NEK6: variants seen among roughly 807,000 people sequenced by gnomAD.
NEK6 encodes serine/threonine-protein kinase Nek6.
In NEK6, 27 loss-of-function variants were observed where a neutral mutation model predicts 43.5. The ratio of observed to expected loss-of-function variants is 0.62; its 90% CI spans 0.46 to 0.86. The LOEUF (loss-of-function observed/expected upper bound fraction) is 0.86. Ranked by LOEUF, NEK6 falls within the 40% of genes least tolerant of loss-of-function variation. The pLI is 0.00. For missense variants in NEK6, 318 were observed against 414.4 expected (o/e 0.77, Z 2.02); for synonymous variants, 167 against 164.1 (o/e 1.02, Z -0.14).
chr9:124,290,213 C>G (rs1054397987), intron 1 of NEK6, among the ~76,000 whole-genome samples: 1 of 152,226 alleles, frequency 6.6e-6, no homozygotes, highest in African/African-American at 2.4e-5. Context: ...AGGCCCTGGC[C>G]TGGCCTATCT....
rs142223628 is a variant in NEK6, at chr9:124,348,057, G to A, written c.831+235G>A. Among the ~76,000 whole-genome samples the A allele has an allele frequency of 1.9e-3, 286 of 152,348 alleles. 2 individuals carry two copies. Among genetic ancestry groups the A allele is most frequent in the Admixed American group, 8.6e-3 (131 of 15,312 alleles). On this transcript the variant is annotated intron_variant, in intron 9 of 9. Transcript: ENST00000320246. ...CCCAGGTAGGAACCAGTGGCACGTGGCCCTTGGCACATCTCCACCTGTTCA... is the reference window on the plus strand; with the variant it reads ...CCCAGGTAGGAACCAGTGGCACGTGACCCTTGGCACATCTCCACCTGTTCA...
chr9:124,293,025 A>G (rs749557191), intron 1 of NEK6: 14 of 1,515,910 alleles, frequency 9.2e-6, no homozygotes, highest in Non-Finnish European at 1.1e-5. Flanking sequence ...TGAGAGCAAG[A>G]TCATTTCCCA....
chr9:124,288,374 C>G (rs892174981), intron 1 of NEK6, among the ~76,000 whole-genome samples: 1 of 152,170 alleles, frequency 6.6e-6, no homozygotes. Context: ...TCAAGTGATT[C>G]TCCTGAATCA....
chr9:124,285,466 A>G (rs1832112121), intron 1 of NEK6, among the ~76,000 whole-genome samples: 2 of 152,160 alleles, frequency 1.3e-5, no homozygotes, highest in South Asian at 4.1e-4. Flanking sequence ...GGCTCTCAGC[A>G]AGGCTCAAAG....
chr9:124,274,440 A>G (rs973200297), intron 1 of NEK6, among the ~76,000 whole-genome samples: 3 of 152,222 alleles, frequency 2.0e-5, no homozygotes, highest in African/African-American at 7.2e-5. Flanking sequence ...GAAACAGCAG[A>G]GTCCCAGAGA....
At chr9:124,276,446 G>GC (rs1165416982) in intron 1 of NEK6, among the ~76,000 whole-genome samples, 1 of 152,192 alleles carries the variant, frequency 6.6e-6, no homozygotes, top group African/African-American at 2.4e-5. Flanking sequence ...GCCCACAGAA[G>GC]CCATAGGGTC....
intron 1 of NEK6, among the ~76,000 whole-genome samples, chr9:124,295,967 T>C (rs1006775168): frequency 1.3e-5 from 2 of 152,270 alleles, no homozygotes; most frequent in Non-Finnish European, 2.9e-5. Flanking sequence ...TGCAGGTGTC[T>C]TGGGAGATGC....
At chr9:124,344,301 G>A (rs952883776) in intron 8 of NEK6, among the ~76,000 whole-genome samples, 7 of 152,110 alleles carry the variant, frequency 4.6e-5, no homozygotes, top group African/African-American at 1.4e-4. Flanking sequence ...CCAAAAATTC[G>A]GTGATGGATG....
chr9:124,339,993 T>G (rs555955599), intron 8 of NEK6, among the ~76,000 whole-genome samples: 136 of 152,320 alleles, frequency 8.9e-4, no homozygotes, highest in African/African-American at 3.1e-3. Context: ...ACACCGGCGA[T>G]TCTGTTCATC....
intron 1 of NEK6, among the ~76,000 whole-genome samples, chr9:124,273,655 G>A (rs193118839): frequency 8.5e-5 from 13 of 152,272 alleles, no homozygotes; most frequent in East Asian, 7.7e-4. Flanking sequence ...AGAAACAGCC[G>A]TGCTCTGCAT....
intron 1 of NEK6, among the ~76,000 whole-genome samples, chr9:124,271,719 C>T (rs902512564): frequency 6.6e-6 from 1 of 152,236 alleles, no homozygotes; most frequent in Non-Finnish European, 1.5e-5. Flanking sequence ...CCTGGCTGGG[C>T]CTCTTGCCCC....
chr9:124,279,350 G>A (rs1831793210), intron 1 of NEK6, among the ~76,000 whole-genome samples: 1 of 146,202 alleles, frequency 6.8e-6, no homozygotes, highest in Admixed American at 6.9e-5. Context: ...CACCCAGGCT[G>A]GAGTGCAGTG....
At chr9:124,279,300 CTTT>C (rs1165676719) in intron 1 of NEK6, among the ~76,000 whole-genome samples, 5 of 138,160 alleles carry the variant, frequency 3.6e-5, no homozygotes, top group Non-Finnish European at 4.7e-5. Context: ...TTTCTCTTCC[CTTT>C]TTTTTTTTTT....
intron 2 of NEK6, among the ~76,000 whole-genome samples, chr9:124,307,311 C>A (rs1833303446): frequency 6.6e-6 from 1 of 152,092 alleles, no homozygotes; most frequent in South Asian, 2.1e-4. Context: ...TCCTCCCTGC[C>A]CCCCAGTCTC....
rs372516510 is a variant in NEK6 at position 124,326,359 on chromosome 9, G to T, written c.435G>T (p.Pro145=). ...TTAAGAAGCAGAAGCGGCTCATCCC[G>T]GAGAGGACAGTATGGAAGTACTTTG... ...KYFKKQKRLI[P]ERTVWKYFVQ... Residue 145 remains proline (P), a synonymous_variant, in exon 6 of 10, where the codon CCG becomes CCT. Coordinates refer to ENST00000320246, the MANE Select transcript of NEK6 (RefSeq NM_014397.6). The surrounding 1 kb of genome is among the most constrained non-coding windows in gnomAD (Gnocchi z 4.5). The T allele has an allele frequency of 6.2e-7, 1 of 1,611,694 alleles. No individual in the cohort carries two copies. Among genetic ancestry groups the T allele is most frequent in the East Asian group, 2.2e-5 (1 of 44,868 alleles).
chr9:124,267,766 G>A (rs1831283250), intron 1 of NEK6, among the ~76,000 whole-genome samples: 1 of 152,246 alleles, frequency 6.6e-6, no homozygotes, highest in South Asian at 2.1e-4. Context: ...TGCCTTCTTG[G>A]CCCCTGGGGA....
At chr9:124,295,633 G>A (rs73584341) in intron 1 of NEK6, among the ~76,000 whole-genome samples, 1,888 of 152,322 alleles carry the variant, frequency 0.012, 36 homozygotes, top group African/African-American at 0.043. Context: ...GAACAGTGTG[G>A]ATCATAGCAG....
At chr9:124,346,454 C>T in intron 8 of NEK6, among the ~76,000 whole-genome samples, 1 of 152,190 alleles carries the variant, frequency 6.6e-6, no homozygotes, top group Admixed American at 6.5e-5. Context: ...ATCCCAGGGC[C>T]CCTCGGTAGG....
intron 1 of NEK6, among the ~76,000 whole-genome samples, chr9:124,300,997 C>A (rs1216557052): frequency 5.3e-5 from 8 of 152,216 alleles, no homozygotes; most frequent in Admixed American, 5.2e-4. Flanking sequence ...CTAGTCCCTT[C>A]CATGCACACC....
Sources: gnomAD v4.1 joint callset for allele counts (sites outside exome capture counted in the v4.1 genomes callset) on GRCh38, gnomAD v4.1.1 for gene constraint, Gnocchi (gnomAD v3.1) non-coding constraint, MANE v1.5 for transcripts, NCBI Gene and HGNC (gene_info 2026-07-23, HGNC 2026-07-21) for gene names.